The following UBAC2 variants were observed in gnomAD, a reference collection of about 807,000 sequenced individuals.
UBAC2 encodes the protein UBA domain containing 2.
In UBAC2, 26 loss-of-function variants were observed where a neutral mutation model predicts 44.0. The observed-to-expected ratio is 0.59, with a 90% CI of 0.43 to 0.82. UBAC2 has a LOEUF of 0.82. Ranked by LOEUF, UBAC2 falls within the 40% of genes least tolerant of loss-of-function variation. UBAC2 has a pLI of 0.00. For missense variants in UBAC2, 329 were observed against 419.4 expected (o/e 0.78, Z 1.88); for synonymous variants, 155 against 154.3 (o/e 1.00, Z -0.04).
intron 4 of UBAC2, among the ~76,000 whole-genome samples, chr13:99,245,234 A>G (rs2043369049): frequency 1.3e-5 from 2 of 152,178 alleles, no homozygotes; most frequent in African/African-American, 4.8e-5. Context: ...TTATAGTGAA[A>G]TTTGTCTTTG....
intron 4 of UBAC2, chr13:99,255,594 G>C: frequency 6.2e-7 from 1 of 1,614,192 alleles, no homozygotes; most frequent in Non-Finnish European, 8.5e-7. Context: ...GAATCTGGCA[G>C]AAGTACTCTC....
intron 5 of UBAC2, among the ~76,000 whole-genome samples, chr13:99,317,118 T>C (rs1214605485): frequency 2.0e-5 from 3 of 152,206 alleles, no homozygotes; most frequent in Non-Finnish European, 2.9e-5. Context: ...TATCTGAGTG[T>C]GTCAACTCTT....
chr13:99,286,734 A>G (rs1409594737), intron 4 of UBAC2, among the ~76,000 whole-genome samples: 1 of 152,026 alleles, frequency 6.6e-6, no homozygotes, highest in African/African-American at 2.4e-5. Flanking sequence ...TTTAGCTCCC[A>G]CTTATACGTA....
intron 1 of UBAC2, among the ~76,000 whole-genome samples, chr13:99,233,266 C>T (rs561287893): frequency 2.2e-4 from 33 of 152,154 alleles, no homozygotes; most frequent in African/African-American, 7.2e-4. Context: ...GCACGCACCA[C>T]CATGCCCAGC....
intron 7 of UBAC2, among the ~76,000 whole-genome samples, chr13:99,352,566 A>G (rs2045109751): frequency 6.6e-6 from 1 of 152,074 alleles, no homozygotes; most frequent in Non-Finnish European, 1.5e-5. Context: ...TGCAAGTGCC[A>G]CTCCACCAGA....
intron 4 of UBAC2, among the ~76,000 whole-genome samples, chr13:99,247,346 C>A (rs962233021): frequency 2.0e-4 from 31 of 151,774 alleles, no homozygotes; most frequent in Admixed American, 2.0e-3. Flanking sequence ...TCCCGAGTAG[C>A]TGGGACTACA....
At chr13:99,371,275 G>A (rs7332358) in intron 8 of UBAC2, among the ~76,000 whole-genome samples, 14,092 of 152,084 alleles carry the variant, frequency 0.093, 698 homozygotes, top group Admixed American at 0.13. Context: ...TCCGTGTTAC[G>A]AGAAGTTGTA....
intron 7 of UBAC2, among the ~76,000 whole-genome samples, chr13:99,367,568 T>G (rs903259122): frequency 2.0e-5 from 3 of 152,224 alleles, no homozygotes; most frequent in African/African-American, 7.2e-5. Flanking sequence ...TGCCTATTAC[T>G]TTCTTTTCTC....
intron 7 of UBAC2, among the ~76,000 whole-genome samples, chr13:99,352,301 T>G (rs1418904108): frequency 6.6e-6 from 1 of 152,188 alleles, no homozygotes; most frequent in Non-Finnish European, 1.5e-5. Context: ...ACATTTTTCA[T>G]CACCCCAAAA....
intron 1 of UBAC2, among the ~76,000 whole-genome samples, chr13:99,226,081 A>C (rs1034527988): frequency 1.3e-5 from 2 of 152,190 alleles, no homozygotes; most frequent in African/African-American, 2.4e-5. Context: ...ATGTTGATTC[A>C]CATTTGGCAC....
At chr13:99,259,397 G>T (rs1442810731) in intron 4 of UBAC2, among the ~76,000 whole-genome samples, 3 of 148,652 alleles carry the variant, frequency 2.0e-5, no homozygotes, top group African/African-American at 5.0e-5. Context: ...GCTTAGAAAA[G>T]TTACTTAAAT....
At position 99,200,870 on chromosome 13, in the gene UBAC2, TC is replaced by T. The variant is rs1244749806; in HGVS notation, c.-34del. On this transcript the variant is annotated 5_prime_UTR_variant, in exon 1 of 9. Coordinates refer to ENST00000403766, the MANE Select transcript of UBAC2 (RefSeq NM_001144072.2). ...CTGGGGCTCGCACTTCAGCTTCCCC[TC>T]CCCCGGCGCCCTCTGGGGCTCCGAG... 3 of 1,289,068 alleles carry T rather than the reference TC, an allele frequency of 2.3e-6. No homozygotes were observed. Among genetic ancestry groups the T allele is most frequent in the Non-Finnish European group, 2.0e-6 (2 of 1,009,112 alleles). 79.9% of individuals were successfully genotyped at this position (1,289,068 alleles called of 1,614,324 possible). A position where few individuals can be genotyped will look rare whatever the true frequency, so the allele number is the denominator to read the frequency against.
At chr13:99,333,704 C>T (rs1182716116) in intron 6 of UBAC2, among the ~76,000 whole-genome samples, 1 of 152,168 alleles carries the variant, frequency 6.6e-6, no homozygotes, top group Non-Finnish European at 1.5e-5. Context: ...TATCCATATT[C>T]TTCACAGAAT....
rs540604195 is a variant in UBAC2 at position 99,238,488 on chromosome 13, C to G, written c.93C>G (p.Ala31=). 1.9e-6 allele frequency: 3 copies of G among 1,613,960 alleles called. No homozygotes were observed. Among genetic ancestry groups the G allele is most frequent in the Admixed American group, 1.7e-5 (1 of 60,018 alleles). ...CCAGTGCCCTCTCCCTCCTGCTCGC[C>G]CTCCTCCTGCCTCACTGCCAGAAGC... ...LVPSALSLLL[A]LLLPHCQKLF... is the part of the protein sequence containing the mutation. The change falls in exon 2 of 9, where the codon GCC becomes GCG. Residue 31 remains alanine (A), a synonymous_variant. Coordinates refer to ENST00000403766, the MANE Select transcript of UBAC2 (RefSeq NM_001144072.2).
chr13:99,370,268 A>T (rs181713321), intron 8 of UBAC2, among the ~76,000 whole-genome samples: 1 of 152,334 alleles, frequency 6.6e-6, no homozygotes, highest in African/African-American at 2.4e-5. Context: ...GTCAGTACAT[A>T]GTGTGTGATT....
chr13:99,305,059 A>G (rs563947995), intron 4 of UBAC2, among the ~76,000 whole-genome samples: 1 of 152,318 alleles, frequency 6.6e-6, no homozygotes, highest in South Asian at 2.1e-4. Context: ...GGTTTTATAA[A>G]TGGATTTAGA....
At chr13:99,350,274 C>T (rs2045062269) in intron 7 of UBAC2, among the ~76,000 whole-genome samples, 1 of 152,094 alleles carries the variant, frequency 6.6e-6, no homozygotes, top group African/African-American at 2.4e-5. Flanking sequence ...CCTAGGTAAT[C>T]CTTCGCCCAC....
intron 6 of UBAC2, among the ~76,000 whole-genome samples, chr13:99,327,372 T>C (rs544803760): frequency 2.2e-4 from 34 of 152,332 alleles, no homozygotes; most frequent in Admixed American, 3.9e-4. Context: ...ACAGAACATT[T>C]TCCCATGGGT....
chr13:99,326,672 G>A (rs2044644276), intron 6 of UBAC2, among the ~76,000 whole-genome samples: 1 of 152,110 alleles, frequency 6.6e-6, no homozygotes, highest in Non-Finnish European at 1.5e-5. Context: ...AGATAGGGAG[G>A]CTGAGTTTCA....
Sources: allele counts gnomAD v4.1 joint callset (sites outside exome capture counted in the v4.1 genomes callset), GRCh38; gene constraint gnomAD v4.1.1; transcripts MANE v1.5; gene names NCBI Gene and HGNC (gene_info 2026-07-23, HGNC 2026-07-21).